Variants in KLHL30 observed in about 807,000 individuals in gnomAD.
The protein encoded by KLHL30 is kelch-like protein 30.
In KLHL30, 55 loss-of-function variants were observed where a neutral mutation model predicts 55.0. The observed-to-expected ratio is 1.00, with a 90% CI of 0.80 to 1.25. KLHL30 has a LOEUF of 1.25. Ranked by LOEUF, KLHL30 falls within the 50% of genes most tolerant of loss-of-function variation. The pLI, the probability that KLHL30 is intolerant of heterozygous loss-of-function variation, is 0.00. For missense variants in KLHL30, 786 were observed against 811.6 expected, an observed-to-expected ratio of 0.97 and a Z score of 0.38; for synonymous variants, 356 against 372.6, an observed-to-expected ratio of 0.96 and a Z score of 0.51.
In KLHL30 at chr2:238,145,821, ACGTTAT is replaced by A. The variant is rs1335169174; in HGVS notation, c.1142_1147del (p.Val381_Ile382del). 6.2e-6 allele frequency: 10 copies of A among 1,602,392 alleles called. No individual in the cohort carries two copies. Among genetic ancestry groups the A allele is most frequent in the Non-Finnish European group, 1.7e-6 (2 of 1,174,296 alleles). On this transcript the variant is annotated inframe_deletion, in exon 5 of 8. Transcript: ENST00000409223. ...AGCGCGGCCCTCAATGGGGAGATCT[ACGTTAT>A]CGGCGGTGAGGCCTTCCTCTCCACC...
intron 7 of KLHL30, among the ~76,000 whole-genome samples, chr2:238,149,983 G>A (rs1261592360): frequency 6.6e-6 from 1 of 152,188 alleles, no homozygotes; most frequent in Non-Finnish European, 1.5e-5. Context: ...CCCCCTGCAG[G>A]CTGCTGGCCT....
chr2:238,144,352 A>C (rs1156909309), intron 3 of KLHL30, among the ~76,000 whole-genome samples: 2 of 148,122 alleles, frequency 1.4e-5, no homozygotes, highest in Non-Finnish European at 3.0e-5. Context: ...GGCTGCCAGG[A>C]GGGCAGGGAG....
chr2:238,139,884 C>T (rs1692501563), intron 1 of KLHL30, among the ~76,000 whole-genome samples: 1 of 152,236 alleles, frequency 6.6e-6, no homozygotes, highest in Non-Finnish European at 1.5e-5. Context: ...AGGACATAAA[C>T]CACATGCACA....
Position 238,141,383 on chromosome 2 carries a change from C to T in KLHL30, c.629C>T (p.Ala210Val). ...LMRWVRHDPQ[A>V]RAAHLPELLS... Reference sequence around the variant, plus strand: ...CGCTGGGTGCGCCATGACCCGCAGGCCCGGGCCGCCCACCTGCCCGAGCTG... The same window carrying T: ...CGCTGGGTGCGCCATGACCCGCAGGTCCGGGCCGCCCACCTGCCCGAGCTG... The change falls in exon 2 of 8, where the codon GCC becomes GTC. Residue 210 changes from alanine (A) to valine (V), a missense_variant. By Grantham distance (64) the Ala-to-Val change is moderately conservative (BLOSUM62 0). Coordinates refer to ENST00000409223, the MANE Select transcript of KLHL30 (RefSeq NM_198582.4). The T allele has an allele frequency of 6.3e-7, 1 of 1,593,864 alleles. No individual in the cohort carries two copies.
Position 238,145,850 on chromosome 2 carries a change from A to G in KLHL30, c.1150+18A>G. On this transcript the variant is annotated intron_variant, in intron 5 of 7. Transcript: ENST00000409223. ...TATCGGCGGTGAGGCCTTCCTCTCC[A>G]CCCTTCCCTGGGGCCTGGTTCTAGC... The G allele has an allele frequency of 1.3e-6, 2 of 1,576,152 alleles. No individual in the cohort carries two copies. Among genetic ancestry groups the G allele is most frequent in the Non-Finnish European group, 1.7e-6 (2 of 1,159,286 alleles).
intron 3 of KLHL30, among the ~76,000 whole-genome samples, chr2:238,144,432 A>AAGGCAGGAAGGAAGGCAGGCAGGC (rs1692608786): frequency 3.4e-4 from 28 of 82,454 alleles, no homozygotes; most frequent in African/African-American, 1.3e-3. Context: ...GGAAGGAAGG[A>AAGGCAGGAAGGAAGGCAGGCAGGC]AGGCAGGCAG....
rs898159865 is a variant in KLHL30 at position 238,144,810 on chromosome 2, G to T, written c.908-92G>T. ...CAGTGAGGGGGGCATTTCTGCACCC[G>T]GTGCATGGAAAGGCACCTGGGAAGG... On this transcript the variant is annotated intron_variant, in intron 3 of 7. Coordinates refer to ENST00000409223, the MANE Select transcript of KLHL30 (RefSeq NM_198582.4). 6.5e-6 allele frequency: 6 copies of T among 919,574 alleles called. No individual in the cohort carries two copies. The African/African-American group carries it at 9.8e-5, about 15-fold the overall frequency. The allele number at this position is 919,574 out of a possible 1,614,324, so 57.0% of individuals were successfully genotyped here. A position where few individuals can be genotyped will look rare whatever the true frequency, so the allele number is the denominator to read the frequency against.
At chr2:238,141,607 G>A in intron 2 of KLHL30, 79 bp downstream of exon 2, 4 of 1,386,784 alleles carry the variant, frequency 2.9e-6, no homozygotes, top group Non-Finnish European at 3.8e-6. Flanking sequence ...TAGGGACAGA[G>A]TAAGGAGTGG....
In KLHL30 at chr2:238,147,158, A is replaced by AAC. The variant is rs1692663085; in HGVS notation, c.1151-675_1151-674insCA. 6.6e-6 allele frequency among the ~76,000 whole-genome samples: 1 copy of AAC among 151,470 alleles called. No individual in the cohort carries two copies. Among genetic ancestry groups the AAC allele is most frequent in the Non-Finnish European group, 1.5e-5 (1 of 67,870 alleles). On this transcript the variant is annotated intron_variant, in intron 5 of 7. Transcript: ENST00000409223. The surrounding 1 kb of genome is among the most constrained non-coding windows in gnomAD (Gnocchi z 5.8). ...CAAGACCCTGTCTCAAAAAAAAAAAAAAGAAAGAAAAGAAAAACAAAACAC... is the reference window on the plus strand; with the variant it reads ...CAAGACCCTGTCTCAAAAAAAAAAAAACAAGAAAGAAAAGAAAAACAAAACAC...
chr2:238,151,392 G>A lies in KLHL30; in HGVS notation c.*327G>A, dbSNP rs570389587. On this transcript the variant is annotated 3_prime_UTR_variant, in exon 8 of 8. Transcript: ENST00000409223. ...CCGGGCCAGCATTCCCAGAGCTTGCGAGCCCCACTCCTGCCCCTGGACCCC... is the reference window on the plus strand; with the variant it reads ...CCGGGCCAGCATTCCCAGAGCTTGCAAGCCCCACTCCTGCCCCTGGACCCC... The A allele has an allele frequency of 2.1e-5, 9 of 420,836 alleles. No homozygotes were observed. Among genetic ancestry groups the A allele is most frequent in the African/African-American group, 1.2e-4 (6 of 50,480 alleles). 26.1% of individuals were successfully genotyped at this position (420,836 alleles called of 1,614,324 possible).
rs1029501663 is a variant in KLHL30, at chr2:238,141,051, G to T, written c.297G>T (p.Thr99=). ...TGTACACAGGCCGGCTGACCATCAC[G>T]CAGGGCAACGTGGAGGCGCTGACAC... The part of the protein sequence containing the change: ...DFVYTGRLTI[T]QGNVEALTRT... The change falls in exon 2 of 8, where the codon ACG becomes ACT. Residue 99 remains threonine, a synonymous_variant. Coordinates refer to ENST00000409223, the MANE Select transcript of KLHL30 (RefSeq NM_198582.4). The T allele has an allele frequency of 2.5e-6, 4 of 1,611,884 alleles. No individual in the cohort carries two copies. Among genetic ancestry groups the T allele is most frequent in the Non-Finnish European group, 2.5e-6 (3 of 1,179,268 alleles).
intron 6 of KLHL30, among the ~76,000 whole-genome samples, chr2:238,148,522 C>A (rs1280145806): frequency 6.6e-6 from 1 of 152,238 alleles, no homozygotes; most frequent in Non-Finnish European, 1.5e-5. Flanking sequence ...AGTCCTGTTT[C>A]ACCCTCTGGA....
chr2:238,138,935 G>A (rs1274621896), intron 1 of KLHL30, among the ~76,000 whole-genome samples, 177 bp downstream of exon 1: 1 of 152,186 alleles, frequency 6.6e-6, no homozygotes, highest in South Asian at 2.1e-4. Context: ...GGGGGCTCAG[G>A]AGACAGGTTT....
At chr2:238,140,383 A>G (rs4663847) in intron 1 of KLHL30, among the ~76,000 whole-genome samples, 124,583 of 152,140 alleles carry the variant, frequency 0.82, 51,570 homozygotes, top group African/African-American at 0.94. Flanking sequence ...CCAGGGTTGC[A>G]GATGACACCC....
chr2:238,147,929 TCGGCTGC>T lies in KLHL30; in HGVS notation c.1257_1263del (p.Cys420AlafsTer30), dbSNP rs753583836. On this transcript the variant is annotated frameshift_variant, in exon 6 of 8. Transcript: ENST00000409223. LOFTEE classifies it high-confidence loss of function. This position sits in a 1 kb window ranked among gnomAD's most constrained non-coding sequence, Gnocchi z 5.8. ...GGCCCTCAAATACGTCAGCAACTTC[TCGGCTGC>T]CGGCTGCCGGGGCCGGCTCTACCTG... 6.9e-6 allele frequency: 11 copies of T among 1,599,962 alleles called. No individual in the cohort carries two copies. Among genetic ancestry groups the T allele is most frequent in the Admixed American group, 6.8e-5 (4 of 58,582 alleles).
In KLHL30 at chr2:238,148,366, TA is replaced by T. The variant is rs369104367; in HGVS notation, c.1339+345del. 7.7e-4 allele frequency among the ~76,000 whole-genome samples: 118 copies of T among 152,264 alleles called. 2 individuals carry two copies. The highest frequency in any genetic ancestry group is 6.0e-3 in the East Asian group (31 of 5,168). Reference sequence around the variant, plus strand: ...CCTGGCAGCTGCCTGGCTGTTCTTCTACCCAAAAGGGCCTCACGGGCCGGGA... The same window carrying T: ...CCTGGCAGCTGCCTGGCTGTTCTTCTCCCAAAAGGGCCTCACGGGCCGGGA... On this transcript the variant is annotated intron_variant, in intron 6 of 7. Coordinates refer to ENST00000409223, the MANE Select transcript of KLHL30 (RefSeq NM_198582.4).
intron 1 of KLHL30, 21 bp from the exon 2 acceptor site, chr2:238,140,664 C>G: frequency 7.3e-7 from 1 of 1,372,486 alleles, no homozygotes; most frequent in Non-Finnish European, 9.7e-7. Context: ...ACTTGGCTGA[C>G]CCTGCTCTCT....
intron 2 of KLHL30, 128 bp downstream of exon 2, chr2:238,141,656 T>A (rs1692544004): frequency 1.9e-6 from 2 of 1,062,648 alleles, no homozygotes; most frequent in South Asian, 3.8e-5. Flanking sequence ...ACGCTCCTTG[T>A]TTTGGGCCAG....
intron 6 of KLHL30, among the ~76,000 whole-genome samples, chr2:238,148,750 C>G (rs1323610352): frequency 1.3e-5 from 2 of 152,266 alleles, no homozygotes; most frequent in East Asian, 3.9e-4. Context: ...CTGAGGGACC[C>G]CTGCACCCTC....
Sources: allele counts gnomAD v4.1 joint callset (sites outside exome capture counted in the v4.1 genomes callset), GRCh38; gene constraint gnomAD v4.1.1; non-coding constraint Gnocchi (gnomAD v3.1); transcripts MANE v1.5; gene names NCBI Gene and HGNC (gene_info 2026-07-23, HGNC 2026-07-21).